DACH2: variants seen among roughly 807,000 people sequenced by gnomAD.
The protein encoded by DACH2 is dachshund family transcription factor 2.
Under a neutral mutation model 35.8 loss-of-function variants are expected in DACH2, and 17 were observed. The observed-to-expected ratio is 0.48, with a 90% CI of 0.33 to 0.71. DACH2 has a LOEUF of 0.71. Among genes scored for constraint, DACH2 ranks in the 30% least tolerant of loss-of-function variants. The probability of loss-of-function intolerance (pLI) is 0.02; values close to 1 mark genes in which losing one functional copy is unlikely to be tolerated. For synonymous variants in DACH2, 195 were observed against 177.3 expected (o/e 1.10, Z -0.79); for missense variants, 469 against 472.7 (o/e 0.99, Z 0.07).
intron 2 of DACH2, among the ~76,000 whole-genome samples, chrX:86,450,534 C>T (rs1424005887): frequency 9.0e-6 from 1 of 111,213 alleles, no homozygotes; most frequent in African/African-American, 3.3e-5. Context: ...AATGAACATA[C>T]ACATGCATGT....
intron 2 of DACH2, among the ~76,000 whole-genome samples, chrX:86,449,936 A>T (rs1460229457): frequency 8.1e-5 from 9 of 111,562 alleles, no homozygotes; most frequent in Non-Finnish European, 5.7e-5. Flanking sequence ...TCAGTTTTAG[A>T]GTATTCTTGT....
intron 1 of DACH2, chrX:86,161,392 C>G: frequency 1.2e-6 from 1 of 824,070 alleles, no homozygotes; most frequent in Non-Finnish European, 1.6e-6. Flanking sequence ...GTTAGCAGAT[C>G]AAAACCTGGC....
chrX:86,525,784 T>C (rs1364867363), intron 3 of DACH2, among the ~76,000 whole-genome samples: 1 of 111,199 alleles, frequency 9.0e-6, no homozygotes, highest in Non-Finnish European at 1.9e-5. Context: ...TGGTCCATCC[T>C]CAAACCATCC....
At chrX:86,193,411 T>C (rs767011063) in intron 1 of DACH2, among the ~76,000 whole-genome samples, 19 of 112,054 alleles carry the variant, frequency 1.7e-4, no homozygotes, top group African/African-American at 4.8e-4. Flanking sequence ...GGCATTATTC[T>C]GAAGGGGAAA....
intron 1 of DACH2, among the ~76,000 whole-genome samples, chrX:86,320,212 GA>G (rs1170693733): frequency 9.0e-6 from 1 of 111,650 alleles, no homozygotes; most frequent in Non-Finnish European, 1.9e-5. Context: ...AGTTGACTGA[GA>G]AAAAAACCTT....
At chrX:86,600,387 A>T (rs1360385727) in intron 3 of DACH2, among the ~76,000 whole-genome samples, 1 of 111,925 alleles carries the variant, frequency 8.9e-6, no homozygotes, top group East Asian at 2.8e-4. Flanking sequence ...TATTTTGAGT[A>T]TTATACCAGT....
intron 1 of DACH2, among the ~76,000 whole-genome samples, chrX:86,195,086 T>C (rs1289187954): frequency 1.8e-5 from 2 of 112,920 alleles, no homozygotes; most frequent in Non-Finnish European, 3.8e-5. Context: ...CAGCTTCCCC[T>C]GGGCCCACAG....
At chrX:86,452,758 A>T (rs773661766) in intron 2 of DACH2, among the ~76,000 whole-genome samples, 4 of 110,811 alleles carry the variant, frequency 3.6e-5, no homozygotes, top group African/African-American at 9.8e-5. Flanking sequence ...TTAATTTTTT[A>T]AAAAATCAGC....
chrX:86,227,638 G>A (rs1236039891), intron 1 of DACH2, among the ~76,000 whole-genome samples: 1 of 104,826 alleles, frequency 9.5e-6, no homozygotes, highest in Non-Finnish European at 2.0e-5. Flanking sequence ...TTTTTTTTAA[G>A]TTTTCAAATT....
chrX:86,720,593 C>T (rs759931467), intron 6 of DACH2, among the ~76,000 whole-genome samples: 28 of 112,418 alleles, frequency 2.5e-4, no homozygotes, highest in Non-Finnish European at 4.5e-4. Flanking sequence ...GCCCCTGTGT[C>T]TTCACAGGGT....
intron 11 of DACH2, among the ~76,000 whole-genome samples, chrX:86,827,515 C>T (rs756179333): frequency 9.0e-4 from 100 of 111,295 alleles, no homozygotes; most frequent in African/African-American, 2.9e-3. Context: ...TGTAAATCTA[C>T]GCTTTTGCTC....
intron 2 of DACH2, among the ~76,000 whole-genome samples, chrX:86,461,052 G>C (rs913279541): frequency 1.8e-5 from 2 of 110,943 alleles, no homozygotes; most frequent in Non-Finnish European, 3.8e-5. Flanking sequence ...CCACCGAAAT[G>C]CTTCAAGCAG....
intron 7 of DACH2, among the ~76,000 whole-genome samples, chrX:86,753,084 C>T (rs971140888): frequency 2.4e-4 from 26 of 109,219 alleles, no homozygotes; most frequent in African/African-American, 8.3e-4. Flanking sequence ...ACATACACCC[C>T]GACACACACA....
chrX:86,480,871 AAC>A (rs750303028), intron 2 of DACH2, among the ~76,000 whole-genome samples: 73 of 112,307 alleles, frequency 6.5e-4, no homozygotes, highest in African/African-American at 2.2e-3. Context: ...TGTATGTAAA[AAC>A]ACAGTTTATA....
Position 86,326,482 on chromosome X carries a change from T to TACAC in DACH2, c.489-50341_489-50340insCACA, listed in dbSNP as rs775373273. On this transcript the variant is annotated intron_variant, in intron 1 of 11. Coordinates refer to ENST00000373125, the MANE Select transcript of DACH2 (RefSeq NM_053281.3). Reference sequence around the variant, plus strand: ...TGAGACTCTGTAAAAGTTAAAAAATTATACATACACACACACACACACACA... The same window carrying TACAC: ...TGAGACTCTGTAAAAGTTAAAAAATTACACATACATACACACACACACACACACA... 7.0e-3 allele frequency among the ~76,000 whole-genome samples: 509 copies of TACAC among 72,818 alleles called. 1 individual carries two copies. The highest frequency in any genetic ancestry group is 0.018 in the African/African-American group (344 of 19,080). The allele number at this position is 72,818 out of a possible 115,157, so 63.2% of individuals were successfully genotyped here. A position where few individuals can be genotyped will look rare whatever the true frequency, so the allele number is the denominator to read the frequency against.
intron 1 of DACH2, among the ~76,000 whole-genome samples, chrX:86,277,604 G>A (rs1188771813): frequency 2.7e-5 from 3 of 112,121 alleles, no homozygotes; most frequent in East Asian, 2.8e-4. Flanking sequence ...GAGACAACTC[G>A]CAACATCAAC....
Position 86,588,463 on chromosome X carries a change from A to T in DACH2, c.641-62573A>T, listed in dbSNP as rs751325662. On this transcript the variant is annotated intron_variant, in intron 3 of 11. Coordinates refer to ENST00000373125, the MANE Select transcript of DACH2 (RefSeq NM_053281.3). ...GTCGATTGCTTTTGGCAGTATGGCC[A>T]TTTTAACGATATTAATTCTTCCAAT... 3.0e-3 allele frequency among the ~76,000 whole-genome samples: 339 copies of T among 112,170 alleles called. 2 individuals are homozygous for T. The highest frequency in any genetic ancestry group is 4.7e-3 in the Non-Finnish European group (248 of 53,107).
At chrX:86,184,657 G>T (rs2031628112) in intron 1 of DACH2, among the ~76,000 whole-genome samples, 1 of 111,593 alleles carries the variant, frequency 9.0e-6, no homozygotes. Flanking sequence ...ATGGTAAAAT[G>T]AATATTTTTA....
chrX:86,497,487 C>A (rs1035728782), intron 2 of DACH2, among the ~76,000 whole-genome samples: 1 of 110,598 alleles, frequency 9.0e-6, no homozygotes, highest in Non-Finnish European at 1.9e-5. Context: ...AGGTCATGTC[C>A]TTGGGAAGAG....
Sources: gnomAD v4.1 joint callset for allele counts (sites outside exome capture counted in the v4.1 genomes callset) on GRCh38, gnomAD v4.1.1 for gene constraint, MANE v1.5 for transcripts, NCBI Gene and HGNC (gene_info 2026-07-23, HGNC 2026-07-21) for gene names.